EMC1: variants seen among roughly 807,000 people sequenced by gnomAD.
EMC1 encodes KIAA0090.
EMC1 carries 103 observed loss-of-function variants against 128.8 expected under a neutral mutation model. The observed-to-expected ratio is 0.80, with a 90% CI of 0.68 to 0.94. EMC1 has a LOEUF of 0.94. Ranked by LOEUF, EMC1 falls within the 40% of genes least tolerant of loss-of-function variation. The pLI is 0.00. For missense variants in EMC1, 1,083 were observed against 1,250.6 expected, an observed-to-expected ratio of 0.87 and a Z score of 2.02; for synonymous variants, 442 against 490.4, an observed-to-expected ratio of 0.90 and a Z score of 1.30.
chr1:19,222,745 G>T lies in EMC1; in HGVS notation c.2466C>A (p.Phe822Leu). Reference sequence around the variant, plus strand: ...GCAGCTGGGGGCGGTCCAGGGAGCTGAAGGCGGTGGCGTTGTATTGCTCAG... The same window carrying T: ...GCAGCTGGGGGCGGTCCAGGGAGCTTAAGGCGGTGGCGTTGTATTGCTCAG... Reference protein sequence around the residue: ...EGTEQYNATAFSSLDRPQLPQ... With the variant: ...EGTEQYNATALSSLDRPQLPQ... Residue 822 changes from phenylalanine (F) to leucine (L), a missense_variant, in exon 20 of 23, where the codon TTC becomes TTA. Transcript: ENST00000477853. The T allele has an allele frequency of 6.2e-7, 1 of 1,614,198 alleles. No homozygotes were observed. The highest frequency in any genetic ancestry group is 8.5e-7 in the Non-Finnish European group (1 of 1,180,030).
intron 18 of EMC1, 108 bp from the exon 19 acceptor site, chr1:19,223,677 G>A (rs2093449381): frequency 9.9e-7 from 1 of 1,008,450 alleles, no homozygotes; most frequent in Non-Finnish European, 1.5e-6. Flanking sequence ...GAGGAATCAG[G>A]GTTTCTGGTG....
chr1:19,229,641 G>C (rs928161533), intron 17 of EMC1, among the ~76,000 whole-genome samples: 6 of 152,182 alleles, frequency 3.9e-5, no homozygotes, highest in African/African-American at 1.2e-4. Flanking sequence ...CAAGGGTAAA[G>C]GATGTGTCTT....
chr1:19,239,692 T>C, intron 8 of EMC1, 126 bp downstream of exon 8: 1 of 940,458 alleles, frequency 1.1e-6, no homozygotes, highest in South Asian at 1.5e-5. Context: ...TCAAACCACT[T>C]ACGGGAAGGT....
chr1:19,235,896 A>G (rs2093559723), intron 12 of EMC1, among the ~76,000 whole-genome samples: 1 of 152,016 alleles, frequency 6.6e-6, no homozygotes, highest in Non-Finnish European at 1.5e-5. Flanking sequence ...GTCTCAAAAA[A>G]TAAATAAATA....
chr1:19,240,004 G>A lies in EMC1; in HGVS notation c.787-19C>T, dbSNP rs774295110. 2 of 1,604,016 alleles carry A rather than the reference G, an allele frequency of 1.2e-6. No individual in the cohort carries two copies. Among genetic ancestry groups the A allele is most frequent in the Non-Finnish European group, 1.7e-6 (2 of 1,173,502 alleles). On this transcript the variant is annotated intron_variant, in intron 7 of 22. Transcript: ENST00000477853. ...CGAGAGACTGGAAGGCAAGAAGGAG[G>A]AGGATTATGGCTAACAGCTGACGAC... is the stretch of plus-strand genomic sequence containing the variant.
chr1:19,226,725 G>T (rs1397320933), intron 18 of EMC1, among the ~76,000 whole-genome samples: 2 of 148,080 alleles, frequency 1.4e-5, no homozygotes, highest in African/African-American at 2.5e-5. Flanking sequence ...CCAGCTAATT[G>T]TTTTTTTTGT....
In EMC1 at chr1:19,242,496, A is replaced by G. The variant is rs778753225; in HGVS notation, c.381-23T>C. Reference sequence around the variant, plus strand: ...AAACTGAACACAAGTACAGGTTGAGAGCAGCCCACACCTGCAGAGCCTCAG... The same window carrying G: ...AAACTGAACACAAGTACAGGTTGAGGGCAGCCCACACCTGCAGAGCCTCAG... On this transcript the variant is annotated intron_variant, in intron 4 of 22. Coordinates refer to ENST00000477853, the MANE Select transcript of EMC1 (RefSeq NM_015047.3). 3.1e-6 allele frequency: 5 copies of G among 1,613,846 alleles called. No individual in the cohort carries two copies. The Admixed American group carries it at 8.3e-5, about 27-fold the overall frequency.
At chr1:19,241,786 C>T (rs2093607364) in intron 5 of EMC1, among the ~76,000 whole-genome samples, 1 of 152,266 alleles carries the variant, frequency 6.6e-6, no homozygotes, top group South Asian at 2.1e-4. Flanking sequence ...GGATTACAGG[C>T]GTGAGACACC....
rs775835942 is a variant in EMC1 at position 19,220,806 on chromosome 1, A to C, written c.2630T>G (p.Leu877Trp). Reference sequence around the variant, plus strand: ...GATCTCGGGGCGGCGGGGATCCAGCAAAGCCTTAGGAAGGGAAAGAATTGC... The same window carrying C: ...GATCTCGGGGCGGCGGGGATCCAGCCAAGCCTTAGGAAGGGAAAGAATTGC... Reference protein sequence around the residue: ...SGAILSLPKALLDPRRPEIPT... With the variant: ...SGAILSLPKAWLDPRRPEIPT... The change falls in exon 21 of 23, where the codon TTG becomes TGG. Residue 877 changes from leucine (L) to tryptophan (W), a missense_variant. Physicochemically the swap from Leu to Trp is moderately conservative, Grantham distance 61 (BLOSUM62 -2). Coordinates refer to ENST00000477853, the MANE Select transcript of EMC1 (RefSeq NM_015047.3). 1 of 1,613,972 alleles carries C rather than the reference A, an allele frequency of 6.2e-7. No individual in the cohort carries two copies. The highest frequency in any genetic ancestry group is 1.1e-5 in the South Asian group (1 of 91,052).
chr1:19,251,126 G>C (rs1368266256), intron 1 of EMC1, among the ~76,000 whole-genome samples: 1 of 152,166 alleles, frequency 6.6e-6, no homozygotes, highest in Non-Finnish European at 1.5e-5. Flanking sequence ...CCTGACGAGG[G>C]AGGACGGGAT....
intron 5 of EMC1, among the ~76,000 whole-genome samples, 199 bp from the exon 6 acceptor site, chr1:19,241,341 C>T (rs2093604345): frequency 6.6e-6 from 1 of 152,176 alleles, no homozygotes; most frequent in African/African-American, 2.4e-5. Context: ...TATTATACTT[C>T]ACAATCAGAT....
chr1:19,242,387 AGGT>A lies in EMC1; in HGVS notation c.464_466del (p.His155del), dbSNP rs750725752. On this transcript the variant is annotated inframe_deletion, in exon 5 of 23. Transcript: ENST00000477853. ...CACCCACTTGAGGTGCCCACTGGAG[AGGT>A]GATGGAGGGCAAGTGTAGTCTTCTT... The A allele has an allele frequency of 5.0e-6, 8 of 1,613,934 alleles. No homozygotes were observed. Among genetic ancestry groups the A allele is most frequent in the Non-Finnish European group, 6.8e-6 (8 of 1,179,940 alleles).
intron 19 of EMC1, 117 bp from the exon 20 acceptor site, chr1:19,222,951 T>A: frequency 1.4e-6 from 1 of 717,154 alleles, no homozygotes; most frequent in Non-Finnish European, 2.3e-6. Flanking sequence ...AACCATCAAC[T>A]AGCACCTCAC....
rs376593702 is a variant in EMC1, at chr1:19,227,330, G to A, written c.2185C>T (p.Arg729Cys). The change falls in exon 18 of 23, where the codon CGC (arginine) becomes TGC (cysteine). Residue 729 changes from arginine (R) to cysteine (C), a missense_variant. Arg to Cys is a radical substitution (Grantham distance 180). Transcript: ENST00000477853. ...VHSQGRVMGD[R>C]SVLYKSLNPN... ...GTATGTACCTTGTAGAGCACACTGCGGTCCCCCATCACACGGCCCTGGGAA... is the reference window on the plus strand; with the variant it reads ...GTATGTACCTTGTAGAGCACACTGCAGTCCCCCATCACACGGCCCTGGGAA... 5 of 1,613,996 alleles carry A rather than the reference G, an allele frequency of 3.1e-6. No homozygotes were observed. Among genetic ancestry groups the A allele is most frequent in the African/African-American group, 2.7e-5 (2 of 74,928 alleles).
At chr1:19,245,419 C>T (rs1170624473) in intron 1 of EMC1, among the ~76,000 whole-genome samples, 1 of 151,808 alleles carries the variant, frequency 6.6e-6, no homozygotes, top group African/African-American at 2.4e-5. Flanking sequence ...TCAGCCTGGG[C>T]AACAAGAGCA....
rs1196796292 is a variant in EMC1 at position 19,219,761 on chromosome 1, C to G, written c.2673-63G>C. The G allele has an allele frequency of 1.9e-6, 3 of 1,595,028 alleles. No individual in the cohort carries two copies. In the East Asian group the frequency reaches 6.7e-5, roughly 36 times the overall value. On this transcript the variant is annotated intron_variant, in intron 21 of 22. Transcript: ENST00000477853. ...GCTGTAAAGGGATCTCTTGGCTGCC[C>G]TTCCTGAGTCCTGGGAGGTTTCCAG...
chr1:19,238,681 T>C (rs709681), intron 10 of EMC1, 114 bp downstream of exon 10: 103,819 of 710,544 alleles, frequency 0.15, 9,122 homozygotes, highest in African/African-American at 0.34. Context: ...TTAGGAAACC[T>C]CATTTGAAGC....
chr1:19,238,738 T>C lies in EMC1; in HGVS notation c.1089+57A>G. 3 of 1,216,878 alleles carry C rather than the reference T, an allele frequency of 2.5e-6. No homozygotes were observed. The South Asian group carries it at 3.7e-5, about 15-fold the overall frequency. 75.4% of individuals were successfully genotyped at this position (1,216,878 alleles called of 1,614,324 possible). A position where few individuals can be genotyped will look rare whatever the true frequency, so the allele number is the denominator to read the frequency against. On this transcript the variant is annotated intron_variant, in intron 10 of 22. Transcript: ENST00000477853. The stretch of plus-strand genomic sequence containing the variant: ...CTAACCAAAGCTCTTCCCCCAACTC[T>C]CTTTGGTGGCCTCCTGCGTCTCTAG...
intron 17 of EMC1, among the ~76,000 whole-genome samples, chr1:19,228,446 A>G (rs2093494414): frequency 6.6e-6 from 1 of 152,182 alleles, no homozygotes; most frequent in South Asian, 2.1e-4. Context: ...GGTTAAATAC[A>G]TTATTATACA....
Sources: allele counts gnomAD v4.1 joint callset (sites outside exome capture counted in the v4.1 genomes callset), GRCh38; gene constraint gnomAD v4.1.1; transcripts MANE v1.5; gene names NCBI Gene and HGNC (gene_info 2026-07-23, HGNC 2026-07-21).